SGPP2: variants seen among roughly 807,000 people sequenced by gnomAD.
SGPP2 encodes sphingosine 1-phosphate phosphohydrolase 2.
Under a neutral mutation model 33.9 loss-of-function variants are expected in SGPP2, and 30 were observed. The ratio of observed to expected loss-of-function variants is 0.89; its 90% CI spans 0.66 to 1.20. The LOEUF is 1.20. Among genes scored for constraint, SGPP2 ranks in the 50% most tolerant of loss-of-function variants. The pLI is 0.00. For missense variants in SGPP2, 458 were observed against 532.1 expected (o/e 0.86, Z 1.37); for synonymous variants, 233 against 225.0 (o/e 1.04, Z -0.32).
intron 2 of SGPP2, among the ~76,000 whole-genome samples, chr2:222,487,924 C>G (rs58316902): frequency 0.36 from 54,967 of 151,998 alleles, 10,368 homozygotes; most frequent in East Asian, 0.56. Context: ...TCAATCCCCT[C>G]TACAACCCAT....
In SGPP2 at chr2:222,476,176, G is replaced by A. The variant is rs1697929692; in HGVS notation, c.378+1450G>A. Among the ~76,000 whole-genome samples the A allele has an allele frequency of 6.6e-6, 1 of 152,188 alleles. No homozygotes were observed. The highest frequency in any genetic ancestry group is 2.4e-5 in the African/African-American group (1 of 41,444). ...GGTATAAAAGAGAAGATTTTAGCAAGTGACTTTCCTATGGTGAGCATTATG... is the reference window on the plus strand; with the variant it reads ...GGTATAAAAGAGAAGATTTTAGCAAATGACTTTCCTATGGTGAGCATTATG... On this transcript the variant is annotated intron_variant, in intron 2 of 4. Transcript: ENST00000321276. The surrounding 1 kb of genome is among the most constrained non-coding windows in gnomAD (Gnocchi z 4.3).
At chr2:222,461,477 C>T (rs1697659426) in intron 1 of SGPP2, among the ~76,000 whole-genome samples, 1 of 151,938 alleles carries the variant, frequency 6.6e-6, no homozygotes, top group Non-Finnish European at 1.5e-5. Flanking sequence ...AAGCACGTTG[C>T]CTTTATTGTG....
chr2:222,453,617 A>C (rs1457228968), intron 1 of SGPP2, among the ~76,000 whole-genome samples: 3 of 152,210 alleles, frequency 2.0e-5, no homozygotes, highest in Non-Finnish European at 2.9e-5. Context: ...TCACTTAATC[A>C]ATATTAAATA....
chr2:222,444,455 A>C (rs1313309188), intron 1 of SGPP2, among the ~76,000 whole-genome samples: 1 of 152,198 alleles, frequency 6.6e-6, no homozygotes, highest in Non-Finnish European at 1.5e-5. Context: ...CTGAAATAAC[A>C]CTACTAATAT....
intron 1 of SGPP2, among the ~76,000 whole-genome samples, chr2:222,455,070 A>G (rs181610716): frequency 6.6e-6 from 1 of 152,230 alleles, no homozygotes; most frequent in African/African-American, 2.4e-5. Flanking sequence ...ACTAACAGGT[A>G]CAAGAGTAAG....
At chr2:222,452,358 A>G (rs1697504304) in intron 1 of SGPP2, 2 of 708,362 alleles carry the variant, frequency 2.8e-6, no homozygotes, top group Non-Finnish European at 2.6e-6. Context: ...GGATTCAGCC[A>G]GTGCCCAGAG....
intron 4 of SGPP2, among the ~76,000 whole-genome samples, chr2:222,547,275 G>A (rs1318506704): frequency 6.6e-6 from 1 of 152,094 alleles, no homozygotes; most frequent in Non-Finnish European, 1.5e-5. Flanking sequence ...CCCTTCCCTA[G>A]GCTTGTCATT....
intron 4 of SGPP2, among the ~76,000 whole-genome samples, chr2:222,553,256 T>C (rs753498126): frequency 6.6e-6 from 1 of 152,206 alleles, no homozygotes; most frequent in Non-Finnish European, 1.5e-5. Context: ...AAATTTAGCC[T>C]TAGAAGCACC....
At chr2:222,548,261 TTCTG>T (rs1689235835) in intron 4 of SGPP2, among the ~76,000 whole-genome samples, 2 of 152,234 alleles carry the variant, frequency 1.3e-5, no homozygotes, top group Non-Finnish European at 2.9e-5. Context: ...AGGTTTTACC[TTCTG>T]TCTATGTTTT....
chr2:222,474,497 T>A, intron 1 of SGPP2, 71 bp from the exon 2 acceptor site: 1 of 1,442,432 alleles, frequency 6.9e-7, no homozygotes, highest in Admixed American at 1.8e-5. Flanking sequence ...GACCTGTGAG[T>A]TTTAGACAGA....
At chr2:222,436,773 G>T (rs188928423) in intron 1 of SGPP2, among the ~76,000 whole-genome samples, 162 of 152,302 alleles carry the variant, frequency 1.1e-3, no homozygotes, top group African/African-American at 3.7e-3. Flanking sequence ...ACAAACCTCT[G>T]CCCTTTCCAT....
At chr2:222,458,743 A>C (rs1165172186) in intron 1 of SGPP2, among the ~76,000 whole-genome samples, 1 of 152,164 alleles carries the variant, frequency 6.6e-6, no homozygotes, top group African/African-American at 2.4e-5. Flanking sequence ...GAACATTTTC[A>C]TCACCCCAAA....
chr2:222,503,899 A>C (rs1198312152), intron 2 of SGPP2: 3 of 152,132 alleles, frequency 2.0e-5, no homozygotes, highest in South Asian at 2.1e-4. Flanking sequence ...CACAGACCAT[A>C]AGATAGATCC....
At chr2:222,509,626 G>A (rs1698495795) in intron 2 of SGPP2, among the ~76,000 whole-genome samples, 2 of 152,084 alleles carry the variant, frequency 1.3e-5, no homozygotes, top group Admixed American at 1.3e-4. Flanking sequence ...CTAATAGTTT[G>A]CTTCTTCTTC....
In SGPP2 at chr2:222,550,033, C is replaced by T. The variant is rs774849519; in HGVS notation, c.649-8314C>T. Reference sequence around the variant, plus strand: ...CTGGAACTACAGGCACGCGCCACCACGTCTGGTTAATTTTTTTGTATTTTT... The same window carrying T: ...CTGGAACTACAGGCACGCGCCACCATGTCTGGTTAATTTTTTTGTATTTTT... On this transcript the variant is annotated intron_variant, in intron 4 of 4. Coordinates refer to ENST00000321276, the MANE Select transcript of SGPP2 (RefSeq NM_152386.4). This position sits in a 1 kb window ranked among gnomAD's most constrained non-coding sequence, Gnocchi z 4.5. 8.6e-5 allele frequency among the ~76,000 whole-genome samples: 13 copies of T among 151,996 alleles called. No homozygotes were observed. Among genetic ancestry groups the T allele is most frequent in the African/African-American group, 2.7e-4 (11 of 41,392 alleles).
intron 4 of SGPP2, among the ~76,000 whole-genome samples, chr2:222,535,394 C>G (rs1269545504): frequency 6.7e-6 from 1 of 149,186 alleles, no homozygotes; most frequent in Non-Finnish European, 1.5e-5. Context: ...AAAAAAAAAG[C>G]CACAGTGGGG....
At chr2:222,442,562 G>T (rs1274181931) in intron 1 of SGPP2, among the ~76,000 whole-genome samples, 1 of 152,064 alleles carries the variant, frequency 6.6e-6, no homozygotes, top group Non-Finnish European at 1.5e-5. Flanking sequence ...TCATCTTCAT[G>T]TCTGTGAATA....
intron 4 of SGPP2, among the ~76,000 whole-genome samples, chr2:222,555,132 C>T (rs527273669): frequency 1.2e-4 from 18 of 152,246 alleles, no homozygotes; most frequent in African/African-American, 4.3e-4. Flanking sequence ...AGCTTGACTT[C>T]TTCAGTTCAG....
At chr2:222,525,543 T>G (rs147256956) in intron 4 of SGPP2, among the ~76,000 whole-genome samples, 306 of 152,334 alleles carry the variant, frequency 2.0e-3, no homozygotes, top group African/African-American at 7.0e-3. Context: ...GAGTCCCATC[T>G]GCATGTAAAG....
Sources: allele counts gnomAD v4.1 joint callset (sites outside exome capture counted in the v4.1 genomes callset), GRCh38; gene constraint gnomAD v4.1.1; non-coding constraint Gnocchi (gnomAD v3.1); transcripts MANE v1.5; gene names NCBI Gene and HGNC (gene_info 2026-07-23, HGNC 2026-07-21).